The following SCN1A variants were observed in gnomAD, a reference collection of about 807,000 sequenced individuals.
SCN1A encodes the protein sodium channel protein type 1 subunit alpha.
SCN1A carries 13 observed loss-of-function variants against 193.7 expected under a neutral mutation model. The ratio of observed to expected loss-of-function variants is 0.07; its 90% CI spans 0.04 to 0.11. The LOEUF (loss-of-function observed/expected upper bound fraction) is 0.11. Ranked by LOEUF, SCN1A falls within the 10% of genes least tolerant of loss-of-function variation. The pLI is 1.00. For synonymous variants in SCN1A, 781 were observed against 843.6 expected, an observed-to-expected ratio of 0.93 and a Z score of 1.29; for missense variants, 1,432 against 2,451.1, an observed-to-expected ratio of 0.58 and a Z score of 8.78.
At chr2:166,033,987 A>G (rs1010898192) in intron 19 of SCN1A, among the ~76,000 whole-genome samples, 17 of 152,248 alleles carry the variant, frequency 1.1e-4, no homozygotes, top group African/African-American at 3.8e-4. Context: ...AAAGACAACA[A>G]TTTTTCAAAA....
intron 15 of SCN1A, 22 bp downstream of exon 15, chr2:166,042,270 G>A (rs565384917): frequency 1.4e-5 from 22 of 1,608,152 alleles, no homozygotes; most frequent in South Asian, 6.7e-5. Context: ...TAATTGAAAC[G>A]AAAATAGAAT....
At chr2:166,015,502 C>T (rs1432733736) in intron 20 of SCN1A, 105 bp downstream of exon 20, 7 of 1,349,294 alleles carry the variant, frequency 5.2e-6, no homozygotes, top group South Asian at 1.2e-5. Context: ...TGAATTATAT[C>T]TATTACAAAG....
At chr2:166,090,743 A>T (rs1368075290) in intron 2 of SCN1A, among the ~76,000 whole-genome samples, 1 of 152,156 alleles carries the variant, frequency 6.6e-6, no homozygotes, top group African/African-American at 2.4e-5. Flanking sequence ...GTCCTCAAAA[A>T]TTTTCAGCTA....
chr2:166,046,018 C>A (rs190655033), intron 12 of SCN1A, among the ~76,000 whole-genome samples: 187 of 152,284 alleles, frequency 1.2e-3, no homozygotes, highest in Non-Finnish European at 2.1e-3. Flanking sequence ...TGTACTGGTA[C>A]TAAGTTGACA....
chr2:166,012,829 C>G (rs1380678736), intron 21 of SCN1A, among the ~76,000 whole-genome samples: 2 of 150,796 alleles, frequency 1.3e-5, no homozygotes, highest in African/African-American at 4.8e-5. Context: ...AATGAAATTA[C>G]TTTTCATTTA....
At chr2:166,109,968 T>G (rs1007574435) in intron 2 of SCN1A, among the ~76,000 whole-genome samples, 1 of 152,140 alleles carries the variant, frequency 6.6e-6, no homozygotes, top group Non-Finnish European at 1.5e-5. Context: ...AACACAACAG[T>G]TATCACAGTC....
At position 165,992,025 on chromosome 2, in the gene SCN1A, G is replaced by A. The variant is rs1689264252; in HGVS notation, c.5250C>T (p.Ser1750=). 4.3e-6 allele frequency: 7 copies of A among 1,613,990 alleles called. No individual in the cohort carries two copies. Among genetic ancestry groups the A allele is most frequent in the Non-Finnish European group, 5.1e-6 (6 of 1,179,954 alleles). Residue 1750 remains serine, a synonymous_variant, in exon 29 of 29, where the codon AGC becomes AGT. Transcript: ENST00000674923. The surrounding 1 kb of genome is among the most constrained non-coding windows in gnomAD (Gnocchi z 6.5). The stretch of plus-strand genomic sequence containing the variant: ...GGTTCCCACAGTCTCCCTTAACTGA[G>A]CTTCCAGGGTTAACTTTATTAGGGT... ...DCDPNKVNPG[S]SVKGDCGNPS... is the part of the protein sequence containing the mutation.
intron 1 of SCN1A, among the ~76,000 whole-genome samples, chr2:166,127,443 G>C (rs530284294): frequency 6.6e-6 from 1 of 152,250 alleles, no homozygotes; most frequent in Admixed American, 6.5e-5. Context: ...GCTTCAACAG[G>C]ATCAAAAGGG....
chr2:165,999,872 A>G (rs1690598544), intron 24 of SCN1A, 96 bp from the exon 25 acceptor site: 2 of 990,732 alleles, frequency 2.0e-6, no homozygotes, highest in South Asian at 1.3e-5. Context: ...TCAAAAGGGA[A>G]TATTTTTGAA....
intron 19 of SCN1A, among the ~76,000 whole-genome samples, chr2:166,023,547 T>C (rs1694343516): frequency 6.6e-6 from 1 of 152,156 alleles, no homozygotes; most frequent in South Asian, 2.1e-4. Context: ...AATGATACAT[T>C]TGGACAGTCT....
In SCN1A at chr2:166,045,316, C is replaced by T. The variant is rs766100236; in HGVS notation, c.1389G>A (p.Thr463=). The T allele has an allele frequency of 8.1e-6, 13 of 1,614,070 alleles. No homozygotes were observed. The highest frequency in any genetic ancestry group is 5.5e-5 in the South Asian group (5 of 91,064). The change falls in exon 13 of 29, where the codon ACG becomes ACA. Residue 463 remains threonine (T), a synonymous_variant. Transcript: ENST00000674923. ...KQQEAAQQAA[T]ATASEHSREP... ...CTCTGGAATGTTCTGAGGCAGTTGC[C>T]GTTGCTGCCTGCTATATTGAAGAGA...
At chr2:166,030,250 C>T (rs1290674659) in intron 19 of SCN1A, among the ~76,000 whole-genome samples, 1 of 152,146 alleles carries the variant, frequency 6.6e-6, no homozygotes, top group Non-Finnish European at 1.5e-5. Context: ...GGCAAGTTTT[C>T]CTTTGTTCAA....
downstream of SCN1A, chr2:165,985,264 T>TGAAG (rs1321783823): frequency 6.9e-6 from 1 of 145,848 alleles, no homozygotes; most frequent in Admixed American, 6.9e-5. Context: ...AAGTATGGAT[T>TGAAG]GAAGGAAGGA....
At chr2:166,146,249 G>A (rs1270874187) in intron 1 of SCN1A, among the ~76,000 whole-genome samples, 1 of 152,096 alleles carries the variant, frequency 6.6e-6, no homozygotes, top group Non-Finnish European at 1.5e-5. Flanking sequence ...TCTGCCAACA[G>A]ATATCTACCA....
intron 2 of SCN1A, among the ~76,000 whole-genome samples, chr2:166,099,934 T>A: frequency 8.6e-6 from 1 of 116,678 alleles, no homozygotes; most frequent in Non-Finnish European, 1.8e-5. Context: ...ATGGCCATAC[T>A]GCCCAAGGTA....
intron 27 of SCN1A, 99 bp downstream of exon 27, chr2:165,995,914 T>C: frequency 1.2e-6 from 1 of 821,904 alleles, no homozygotes; most frequent in Non-Finnish European, 2.1e-6. Context: ...GTGAAAGAAA[T>C]TTTTTCTACT....
At position 165,996,407 on chromosome 2, in the gene SCN1A, G is replaced by A. The variant is rs75813563; in HGVS notation, c.4477-290C>T. The A allele has an allele frequency of 2.9e-4, 76 of 266,102 alleles. 1 individual carries two copies. In the East Asian group the frequency reaches 3.7e-3, roughly 13 times the overall value. The allele number at this position is 266,102 out of a possible 1,614,324, so 16.5% of individuals were successfully genotyped here. On this transcript the variant is annotated intron_variant, in intron 26 of 28. Coordinates refer to ENST00000674923, the MANE Select transcript of SCN1A (RefSeq NM_001165963.4). ...CAAGACCTTATGCTTAGTGAGTGGC[G>A]AAATTTGGTTCACTGAGATAATAAA...
chr2:166,021,460 C>T (rs1694053479), intron 19 of SCN1A, among the ~76,000 whole-genome samples: 3 of 151,966 alleles, frequency 2.0e-5, no homozygotes, highest in African/African-American at 7.2e-5. Context: ...TTTTGATTGG[C>T]ATGTTAAATA....
intron 2 of SCN1A, among the ~76,000 whole-genome samples, chr2:166,125,227 G>A (rs1422979203): frequency 6.6e-6 from 1 of 152,174 alleles, no homozygotes; most frequent in African/African-American, 2.4e-5. Context: ...GACTATACAG[G>A]ACCTTCAATT....
Sources: gnomAD v4.1 joint callset for allele counts (sites outside exome capture counted in the v4.1 genomes callset) on GRCh38, gnomAD v4.1.1 for gene constraint, Gnocchi (gnomAD v3.1) non-coding constraint, MANE v1.5 for transcripts, NCBI Gene and HGNC (gene_info 2026-07-23, HGNC 2026-07-21) for gene names.